The following RC3H1 variants were observed in gnomAD, a reference collection of about 807,000 sequenced individuals.
RC3H1 encodes the protein roquin-1.
In RC3H1, 50 loss-of-function variants were observed where a neutral mutation model predicts 138.2. The ratio of observed to expected loss-of-function variants is 0.36; its 90% CI spans 0.29 to 0.46. RC3H1 has a LOEUF of 0.46. Ranked by LOEUF, RC3H1 falls within the 20% of genes least tolerant of loss-of-function variation. The pLI, the probability that RC3H1 is intolerant of heterozygous loss-of-function variation, is 1.00. For missense variants in RC3H1, 1,031 were observed against 1,388.1 expected, an observed-to-expected ratio of 0.74 and a Z score of 4.09; for synonymous variants, 462 against 489.1, an observed-to-expected ratio of 0.94 and a Z score of 0.73.
intron 3 of RC3H1, 82 bp from the exon 4 acceptor site, chr1:173,983,739 G>T: frequency 7.0e-7 from 1 of 1,435,690 alleles, no homozygotes; most frequent in Non-Finnish European, 9.6e-7. Context: ...GGGTTAACTT[G>T]TGGGTATGTG....
intron 12 of RC3H1, 62 bp downstream of exon 12, chr1:173,961,663 T>C: frequency 1.4e-6 from 2 of 1,450,306 alleles, no homozygotes; most frequent in Admixed American, 2.2e-5. Flanking sequence ...GCATAAAAAG[T>C]AAGGAATCAC....
At chr1:173,971,987 T>C (rs551232000) in intron 8 of RC3H1, among the ~76,000 whole-genome samples, 1 of 152,302 alleles carries the variant, frequency 6.6e-6, no homozygotes, top group African/African-American at 2.4e-5. Context: ...GAAGTTATTA[T>C]ATTCTACCAT....
Position 173,984,593 on chromosome 1 carries a change from C to T in RC3H1, c.258G>A (p.Leu86=), listed in dbSNP as rs1660948948. ...GCTTTGTGTCTTCAACCCCACTACA[C>T]AAAGTAATAGGCTGCTGCTCAGGGA... ...AQVPEQQPIT[L]CSGVEDTKHY... The change falls in exon 3 of 20, where the codon TTG becomes TTA. Residue 86 remains leucine, a synonymous_variant. Coordinates refer to ENST00000367696, the MANE Select transcript of RC3H1 (RefSeq NM_172071.4). The T allele has an allele frequency of 6.2e-7, 1 of 1,613,982 alleles. No homozygotes were observed. The highest frequency in any genetic ancestry group is 1.3e-5 in the African/African-American group (1 of 75,042).
At chr1:173,955,225 CAAAAAAAAAA>C (rs560354496) in intron 13 of RC3H1, among the ~76,000 whole-genome samples, 4 of 60,804 alleles carry the variant, frequency 6.6e-5, no homozygotes, top group Non-Finnish European at 1.3e-4. Context: ...AACTCTGTCA[CAAAAAAAAAA>C]AAAAAAAAAG....
chr1:173,976,555 A>G (rs1473603718), intron 7 of RC3H1, among the ~76,000 whole-genome samples: 1 of 152,192 alleles, frequency 6.6e-6, no homozygotes, highest in African/African-American at 2.4e-5. Context: ...CCTTGACAAA[A>G]TAAGTTTGGA....
intron 13 of RC3H1, among the ~76,000 whole-genome samples, chr1:173,952,676 G>C (rs780506363): frequency 6.6e-6 from 1 of 152,000 alleles, no homozygotes; most frequent in African/African-American, 2.4e-5. Context: ...AATAAATTCT[G>C]TTCCTTAGGT....
rs368557511 is a variant in RC3H1, at chr1:173,961,026, G to C, written c.2370+51C>G. On this transcript the variant is annotated intron_variant, in intron 13 of 19. Transcript: ENST00000367696. ...GGAATAGGCAAAGATGACTTAAACC[G>C]GACACACACAAAAAAACACGGATAA... 12 of 1,558,702 alleles carry C rather than the reference G, an allele frequency of 7.7e-6. No homozygotes were observed. The African/African-American group carries it at 1.4e-4, about 18-fold the overall frequency.
intron 6 of RC3H1, among the ~76,000 whole-genome samples, chr1:173,980,366 G>A (rs1332137262): frequency 8.6e-5 from 13 of 151,404 alleles, no homozygotes; most frequent in Non-Finnish European, 1.0e-4. Flanking sequence ...TTATCTATGT[G>A]ATGCTGGAAA....
At chr1:173,984,395 CTA>C (rs1660938981) in intron 3 of RC3H1, 102 bp downstream of exon 3, 3 of 1,041,152 alleles carry the variant, frequency 2.9e-6, no homozygotes, top group Non-Finnish European at 4.0e-6. Context: ...AAATTTACCT[CTA>C]GTTAGGTTTT....
intron 7 of RC3H1, among the ~76,000 whole-genome samples, chr1:173,975,390 G>A (rs1005592297): frequency 6.6e-6 from 1 of 151,860 alleles, no homozygotes; most frequent in Non-Finnish European, 1.5e-5. Context: ...CACTGCACCC[G>A]GCCGAGAAAG....
chr1:173,959,403 G>A lies in RC3H1; in HGVS notation c.2370+1674C>T, dbSNP rs573360045. On this transcript the variant is annotated intron_variant, in intron 13 of 19. Coordinates refer to ENST00000367696, the MANE Select transcript of RC3H1 (RefSeq NM_172071.4). Reference sequence around the variant, plus strand: ...TTCAATGTAAGACGCGCAAGACACTGAAGTATGAAGTATAAAGAAAATCCA... The same window carrying A: ...TTCAATGTAAGACGCGCAAGACACTAAAGTATGAAGTATAAAGAAAATCCA... Among the ~76,000 whole-genome samples, 4 of 152,314 alleles carry A rather than the reference G, an allele frequency of 2.6e-5. No individual in the cohort carries two copies. In the East Asian group the frequency reaches 7.7e-4, roughly 29 times the overall value.
At chr1:174,004,193 TCTC>T (rs1321807581) in intron 1 of RC3H1, among the ~76,000 whole-genome samples, 1 of 151,376 alleles carries the variant, frequency 6.6e-6, no homozygotes, top group African/African-American at 2.4e-5. Flanking sequence ...CAGCCTCAAG[TCTC>T]ACCCTTCTGG....
chr1:173,971,427 T>C (rs1490149839), intron 8 of RC3H1, among the ~76,000 whole-genome samples: 2 of 152,204 alleles, frequency 1.3e-5, no homozygotes, highest in Non-Finnish European at 2.9e-5. Context: ...TCAAAGAATA[T>C]TCTGTAACTA....
At chr1:173,964,374 CAG>C (rs1349333120) in intron 10 of RC3H1, among the ~76,000 whole-genome samples, 187 bp from the exon 11 acceptor site, 73 of 151,010 alleles carry the variant, frequency 4.8e-4, no homozygotes, top group African/African-American at 1.7e-3. Context: ...TTTTTTGAGA[CAG>C]AGTCTCGCTC....
intron 9 of RC3H1, among the ~76,000 whole-genome samples, chr1:173,969,074 G>T (rs1272513396): frequency 6.6e-6 from 1 of 151,650 alleles, no homozygotes; most frequent in Admixed American, 6.6e-5. Context: ...GGCCAGGATG[G>T]TCTCAATCTC....
intron 7 of RC3H1, among the ~76,000 whole-genome samples, chr1:173,977,917 C>T (rs1240503101): frequency 6.6e-6 from 1 of 152,118 alleles, no homozygotes; most frequent in Admixed American, 6.5e-5. Flanking sequence ...GACTGGGAAT[C>T]TACTAGTGAA....
intron 4 of RC3H1, 52 bp downstream of exon 4, chr1:173,983,366 A>T: frequency 6.3e-7 from 1 of 1,599,326 alleles, no homozygotes; most frequent in Non-Finnish European, 8.6e-7. Flanking sequence ...TAATTCCTAC[A>T]TCATACTTTT....
intron 13 of RC3H1, among the ~76,000 whole-genome samples, chr1:173,955,570 T>C (rs1659605714): frequency 1.3e-5 from 2 of 151,796 alleles, no homozygotes; most frequent in South Asian, 2.1e-4. Flanking sequence ...CTGCCCACTG[T>C]AGCCTCCCAA....
chr1:173,995,394 A>C (rs1661437933), intron 1 of RC3H1, among the ~76,000 whole-genome samples: 1 of 151,914 alleles, frequency 6.6e-6, no homozygotes, highest in African/African-American at 2.4e-5. Context: ...TTAGCCAGGC[A>C]TGGGGGCACA....
Sources: allele counts gnomAD v4.1 joint callset (sites outside exome capture counted in the v4.1 genomes callset), GRCh38; gene constraint gnomAD v4.1.1; transcripts MANE v1.5; gene names NCBI Gene and HGNC (gene_info 2026-07-23, HGNC 2026-07-21).